Variants in RINT1 observed in about 807,000 individuals in gnomAD.
RINT1 encodes RAD50 interactor 1, also known as RAD50-interacting protein 1.
RINT1 carries 75 observed loss-of-function variants against 97.7 expected under a neutral mutation model. That is an observed-to-expected ratio of 0.77 (90% CI 0.64 to 0.93). The LOEUF is 0.93. Among genes scored for constraint, RINT1 ranks in the 40% least tolerant of loss-of-function variants. The pLI is 0.00. For synonymous variants in RINT1, 303 were observed against 326.3 expected (o/e 0.93, Z 0.77); for missense variants, 892 against 925.2 (o/e 0.96, Z 0.47).
rs776007035 is a variant in RINT1, at chr7:105,548,575, A to G, written c.861A>G (p.Pro287=). ...TCAGAGATGAATTACTTACTGAGCC[A>G]AAGCAACTCCCAGAAAAATACTCTC... The part of the protein sequence containing the change: ...LQTSDELLTE[P]KQLPEKYSLP... Residue 287 remains proline (P), a synonymous_variant, in exon 7 of 15, where the codon CCA becomes CCG. Coordinates refer to ENST00000257700, the MANE Select transcript of RINT1 (RefSeq NM_021930.6). 2.5e-6 allele frequency: 4 copies of G among 1,613,994 alleles called. No individual in the cohort carries two copies. The African/African-American group carries it at 5.3e-5, about 22-fold the overall frequency.
intron 10 of RINT1, 94 bp downstream of exon 10, chr7:105,551,801 C>T: frequency 9.5e-7 from 1 of 1,048,564 alleles, no homozygotes; most frequent in Non-Finnish European, 1.4e-6. Context: ...TGCAGTGGCT[C>T]ATGCCTGTAA....
chr7:105,546,827 A>C, intron 4 of RINT1, 83 bp from the exon 5 acceptor site: 1 of 969,922 alleles, frequency 1.0e-6, no homozygotes, highest in Non-Finnish European at 1.5e-6. Context: ...ATTGAGCCAA[A>C]TCATGCCACT....
At chr7:105,552,882 C>G (rs542455321) in intron 10 of RINT1, among the ~76,000 whole-genome samples, 1 of 151,938 alleles carries the variant, frequency 6.6e-6, no homozygotes, top group African/African-American at 2.4e-5. Context: ...CCATCTTAGC[C>G]AGGCTGGTCT....
Position 105,550,152 on chromosome 7 carries a change from T to C in RINT1, c.1094T>C (p.Leu365Ser). 5.0e-6 allele frequency: 8 copies of C among 1,612,916 alleles called. No homozygotes were observed. The highest frequency in any genetic ancestry group is 1.7e-4 in the Middle Eastern group (1 of 6,050). The change falls in exon 8 of 15, where the codon TTG (leucine) becomes TCG (serine). Residue 365 changes from leucine to serine, a missense_variant. Transcript: ENST00000257700. ...CCAATATTAGACAAAGTAGGCTCTTTGGTAAACGCAAGGGTAAGAGACTCA... is the reference window on the plus strand; with the variant it reads ...CCAATATTAGACAAAGTAGGCTCTTCGGTAAACGCAAGGGTAAGAGACTCA... ...IQPILDKVGSLVNARLEFSRG... is the reference protein window; with the variant it reads ...IQPILDKVGSSVNARLEFSRG...
intron 3 of RINT1, among the ~76,000 whole-genome samples, chr7:105,538,896 C>T (rs955602636): frequency 6.6e-6 from 1 of 152,124 alleles, no homozygotes; most frequent in African/African-American, 2.4e-5. Context: ...TAATTTTACC[C>T]TGTGTTCGTC....
At chr7:105,538,607 G>A (rs956369556) in intron 3 of RINT1, among the ~76,000 whole-genome samples, 1 of 152,166 alleles carries the variant, frequency 6.6e-6, no homozygotes, top group African/African-American at 2.4e-5. Context: ...CCATGGGAAC[G>A]TCAGCTCCTC....
chr7:105,535,519 C>T (rs1202714772), intron 2 of RINT1: 10 of 441,968 alleles, frequency 2.3e-5, no homozygotes, highest in Non-Finnish European at 4.5e-5. Flanking sequence ...TGAGCCACCT[C>T]GCCCAGCCAA....
chr7:105,565,685 A>T, intron 14 of RINT1, 37 bp downstream of exon 14: 1 of 1,357,252 alleles, frequency 7.4e-7, no homozygotes, highest in Non-Finnish European at 1.0e-6. Flanking sequence ...TTAATGTATC[A>T]AATTGTTACA....
Position 105,536,446 on chromosome 7 carries a change from A to G in RINT1, c.89-119A>G. ...AGTGCTGGGATCACAGGTGTGAGCC[A>G]CCGTGCCTGGCAAAATTATTAACTT... On this transcript the variant is annotated intron_variant, in intron 2 of 14. Transcript: ENST00000257700. 11 of 665,886 alleles carry G rather than the reference A, an allele frequency of 1.7e-5. 1 individual carries two copies. The South Asian group carries it at 2.1e-4, about 13-fold the overall frequency. The allele number at this position is 665,886 out of a possible 1,614,324, so 41.2% of individuals were successfully genotyped here. A position where few individuals can be genotyped will look rare whatever the true frequency, so the allele number is the denominator to read the frequency against.
In RINT1 at chr7:105,553,887, ATTTTT is replaced by A. The variant is rs776924728; in HGVS notation, c.1472-1116_1472-1112del. 1.8e-3 allele frequency among the ~76,000 whole-genome samples: 125 copies of A among 71,120 alleles called. 1 individual carries two copies. The highest frequency in any genetic ancestry group is 7.6e-3 in the African/African-American group (122 of 15,986). The allele number at this position is 71,120 out of a possible 152,430, so 46.7% of individuals were successfully genotyped here. A position where few individuals can be genotyped will look rare whatever the true frequency, so the allele number is the denominator to read the frequency against. ...AGGCACCCGTCACCATACCCAGCTA[ATTTTT>A]TTTTTTTTTTTTTTTTTTTTTTTTG... On this transcript the variant is annotated intron_variant, in intron 10 of 14. Coordinates refer to ENST00000257700, the MANE Select transcript of RINT1 (RefSeq NM_021930.6).
chr7:105,539,972 G>T (rs1047786406), intron 3 of RINT1, among the ~76,000 whole-genome samples: 1 of 151,866 alleles, frequency 6.6e-6, no homozygotes. Flanking sequence ...TCTAATCACT[G>T]TTGATTGAAA....
intron 9 of RINT1, 95 bp from the exon 10 acceptor site, chr7:105,551,475 T>A (rs534390159): frequency 1.8e-6 from 2 of 1,113,272 alleles, no homozygotes; most frequent in African/African-American, 3.2e-5. Flanking sequence ...GTTTCTTTTT[T>A]ATAGAAAAGC....
Position 105,548,686 on chromosome 7 carries a change from C to T in RINT1, c.972C>T (p.Asn324=), listed in dbSNP as rs777328366. Residue 324 remains asparagine (N), a synonymous_variant, in exon 7 of 15, where the codon AAC becomes AAT. Coordinates refer to ENST00000257700, the MANE Select transcript of RINT1 (RefSeq NM_021930.6). ...QKRFRYHFRG[N]RQTNVLSKPE... ...GGTTCAGGTATCACTTCAGAGGGAA[C>T]CGGCAGACTAATGTGTTAAGCAAGG... is the stretch of plus-strand genomic sequence containing the variant. 2.5e-6 allele frequency: 4 copies of T among 1,613,196 alleles called. No homozygotes were observed. Among genetic ancestry groups the T allele is most frequent in the Non-Finnish European group, 3.4e-6 (4 of 1,179,618 alleles).
intron 3 of RINT1, chr7:105,542,138 G>T: frequency 6.8e-6 from 2 of 292,504 alleles, no homozygotes; most frequent in East Asian, 6.9e-5. Flanking sequence ...CATACAGCCT[G>T]GGCAACATAG....
Position 105,542,606 on chromosome 7 carries a change from C to T in RINT1, c.472C>T (p.His158Tyr), listed in dbSNP as rs1238436279. 2.5e-6 allele frequency: 4 copies of T among 1,613,958 alleles called. No individual in the cohort carries two copies. The Admixed American group carries it at 5.0e-5, about 20-fold the overall frequency. The stretch of plus-strand genomic sequence containing the variant: ...TAGCCAGATTGAAGAGATCGAACGT[C>T]ATCTTGCTTACCTTAAATGGATTTC... The part of the protein sequence containing the change: ...MISQIEEIER[H>Y]LAYLKWISQI... The change falls in exon 4 of 15, where the codon CAT becomes TAT. Residue 158 changes from histidine (H) to tyrosine (Y), a missense_variant. By Grantham distance (83) the His-to-Tyr change is moderately conservative. Coordinates refer to ENST00000257700, the MANE Select transcript of RINT1 (RefSeq NM_021930.6).
chr7:105,552,440 G>T (rs1790967413), intron 10 of RINT1, among the ~76,000 whole-genome samples: 1 of 152,062 alleles, frequency 6.6e-6, no homozygotes, highest in African/African-American at 2.4e-5. Context: ...TTGTTACAGT[G>T]CAGGGATTCT....
At position 105,536,665 on chromosome 7, in the gene RINT1, A is replaced by G. The variant is rs1586216452; in HGVS notation, c.189A>G (p.Glu63=). 6.2e-7 allele frequency: 1 copy of G among 1,613,178 alleles called. No homozygotes were observed. The highest frequency in any genetic ancestry group is 8.5e-7 in the Non-Finnish European group (1 of 1,179,368). ...ATGTGTCTGCATTCATAGAAAAGGA[A>G]GTTGGAAATGACCTTAAATCTTTAA... ...PSYVSAFIEK[E]VGNDLKSLKK... is the part of the protein sequence containing the mutation. Residue 63 remains glutamate (E), a synonymous_variant, in exon 3 of 15, where the codon GAA becomes GAG. Coordinates refer to ENST00000257700, the MANE Select transcript of RINT1 (RefSeq NM_021930.6).
In RINT1 at chr7:105,565,309, CAGT is replaced by C. The variant is rs1267285265; in HGVS notation, c.1920_1922del (p.Val641del). On this transcript the variant is annotated inframe_deletion, in exon 13 of 15. Coordinates refer to ENST00000257700, the MANE Select transcript of RINT1 (RefSeq NM_021930.6). Reference sequence around the variant, plus strand: ...TCCTTGCCATCTCAGTCAGAGCAGGCAGTGATGTCCCTGTCCAGTTCGGCTTGC... The same window carrying C: ...TCCTTGCCATCTCAGTCAGAGCAGGCGATGTCCCTGTCCAGTTCGGCTTGC... 1.7e-5 allele frequency: 28 copies of C among 1,612,896 alleles called. No homozygotes were observed. The highest frequency in any genetic ancestry group is 2.4e-5 in the Non-Finnish European group (28 of 1,179,112).
chr7:105,547,024 T>C lies in RINT1; in HGVS notation c.630T>C (p.Leu210=), dbSNP rs566159815. Residue 210 remains leucine, a synonymous_variant, in exon 5 of 15, where the codon CTT becomes CTC. Transcript: ENST00000257700. ...KLQESSCTHL[L]GFMRATVKFW... ...AGGAATCATCTTGTACTCATCTTCTTGGTTTCATGAGAGCCACAGTTAAAT... is the reference window on the plus strand; with the variant it reads ...AGGAATCATCTTGTACTCATCTTCTCGGTTTCATGAGAGCCACAGTTAAAT... 1 of 1,614,060 alleles carries C rather than the reference T, an allele frequency of 6.2e-7. No individual in the cohort carries two copies. Among genetic ancestry groups the C allele is most frequent in the East Asian group, 2.2e-5 (1 of 44,890 alleles).
Sources: allele counts gnomAD v4.1 joint callset (sites outside exome capture counted in the v4.1 genomes callset), GRCh38; gene constraint gnomAD v4.1.1; transcripts MANE v1.5; gene names NCBI Gene and HGNC (gene_info 2026-07-23, HGNC 2026-07-21).